The following CDH13 variants were observed in gnomAD, a reference collection of about 807,000 sequenced individuals.
The protein encoded by CDH13 is cadherin 13.
In CDH13, 24 loss-of-function variants were observed where a neutral mutation model predicts 63.8. That is an observed-to-expected ratio of 0.38 (90% CI 0.27 to 0.53). The LOEUF (loss-of-function observed/expected upper bound fraction) is 0.53, where lower values mean the gene tolerates loss of function less well. CDH13 is among the 20% of genes least tolerant of loss of function. The pLI, the probability that CDH13 is intolerant of heterozygous loss-of-function variation, is 0.85. For synonymous variants in CDH13, 503 were observed against 355.3 expected (o/e 1.42, Z -4.67); for missense variants, 1,049 against 903.1 (o/e 1.16, Z -2.07).
chr16:83,397,233 A>G (rs1470042325), intron 6 of CDH13: 1 of 152,130 alleles, frequency 6.6e-6, no homozygotes, highest in Non-Finnish European at 1.5e-5. Context: ...CACTTTGATT[A>G]TGAGGGGATA....
chr16:83,507,247 T>C (rs771475440), intron 7 of CDH13, among the ~76,000 whole-genome samples: 22 of 152,228 alleles, frequency 1.4e-4, no homozygotes, highest in Admixed American at 2.6e-4. Context: ...AATATTTTTA[T>C]TACAGTCTCT....
At chr16:82,766,297 G>A (rs181132006) in intron 1 of CDH13, among the ~76,000 whole-genome samples, 38 of 152,292 alleles carry the variant, frequency 2.5e-4, no homozygotes, top group Non-Finnish European at 4.1e-4. Context: ...CCGTAAATCC[G>A]TAGCTGATAT....
At chr16:82,944,866 G>A (rs1488115335) in intron 2 of CDH13, among the ~76,000 whole-genome samples, 2 of 152,024 alleles carry the variant, frequency 1.3e-5, no homozygotes, top group South Asian at 4.2e-4. Context: ...ATTTCACAAG[G>A]TATTAGGTAA....
intron 5 of CDH13, among the ~76,000 whole-genome samples, chr16:83,325,300 G>A (rs2090335610): frequency 1.3e-5 from 2 of 152,152 alleles, no homozygotes; most frequent in Admixed American, 6.5e-5. Flanking sequence ...AACAATGAGA[G>A]AGGGGGAGGG....
chr16:83,766,019 C>G (rs1020414716), intron 11 of CDH13, among the ~76,000 whole-genome samples: 45 of 152,294 alleles, frequency 3.0e-4, no homozygotes, highest in African/African-American at 1.1e-3. Flanking sequence ...CAAGATTGCT[C>G]ATTAGCTCAC....
At chr16:82,651,140 C>G (rs1364010427) in intron 1 of CDH13, among the ~76,000 whole-genome samples, 1 of 152,124 alleles carries the variant, frequency 6.6e-6, no homozygotes, top group Non-Finnish European at 1.5e-5. Context: ...TAGTGGGTGG[C>G]AAGACTATGA....
At position 82,736,077 on chromosome 16, in the gene CDH13, T is replaced by C. The variant is rs139180126; in HGVS notation, c.45+108940T>C. ...TGAAAAACCTGAAGTGCATAAGAAA[T>C]TAATTCCCCTGAGTTTCCAAACTAG... On this transcript the variant is annotated intron_variant, in intron 1 of 13. Transcript: ENST00000567109. 6.6e-5 allele frequency among the ~76,000 whole-genome samples: 10 copies of C among 152,260 alleles called. 1 individual carries two copies. In the East Asian group the frequency reaches 1.9e-3, roughly 29 times the overall value.
intron 1 of CDH13, among the ~76,000 whole-genome samples, chr16:82,815,072 C>A (rs990162661): frequency 2.6e-5 from 4 of 151,856 alleles, no homozygotes; most frequent in Non-Finnish European, 5.9e-5. Context: ...TCATTCATTT[C>A]TTTTTTCTTA....
rs534120722 is a variant in CDH13, at chr16:83,193,946, A to G, written c.484-23399A>G. ...CAAAGCAGACACTTAACTAATGTCAAGTCTCCCTAAACGTTGCCCTCATCC... is the reference window on the plus strand; with the variant it reads ...CAAAGCAGACACTTAACTAATGTCAGGTCTCCCTAAACGTTGCCCTCATCC... On this transcript the variant is annotated intron_variant, in intron 4 of 13. Transcript: ENST00000567109. Among the ~76,000 whole-genome samples, 8 of 152,318 alleles carry G rather than the reference A, an allele frequency of 5.3e-5. No homozygotes were observed. The East Asian group carries it at 9.7e-4, about 18-fold the overall frequency.
intron 8 of CDH13, among the ~76,000 whole-genome samples, chr16:83,634,361 A>C (rs1011374367): frequency 1.3e-5 from 2 of 151,850 alleles, no homozygotes; most frequent in African/African-American, 4.8e-5. Flanking sequence ...CAAGGATGGT[A>C]CATAATGGAA....
chr16:83,490,006 A>G (rs2073973563), intron 7 of CDH13, among the ~76,000 whole-genome samples: 1 of 114,742 alleles, frequency 8.7e-6, no homozygotes, highest in Admixed American at 1.1e-4. Flanking sequence ...GGAGCTGCAG[A>G]AACCACACAC....
intron 2 of CDH13, among the ~76,000 whole-genome samples, chr16:82,929,779 A>G (rs1189330560): frequency 1.3e-5 from 2 of 151,840 alleles, no homozygotes; most frequent in African/African-American, 4.8e-5. Flanking sequence ...GCTATAAGAA[A>G]TAAATTTCTG....
chr16:82,888,849 C>G (rs1394940553), intron 2 of CDH13, among the ~76,000 whole-genome samples: 1 of 152,198 alleles, frequency 6.6e-6, no homozygotes, highest in African/African-American at 2.4e-5. Context: ...TTTCTATAGT[C>G]TGTCTTGTGG....
At chr16:83,787,236 A>C (rs1025423480) in intron 13 of CDH13, among the ~76,000 whole-genome samples, 3 of 152,208 alleles carry the variant, frequency 2.0e-5, no homozygotes, top group African/African-American at 7.2e-5. Flanking sequence ...GCGTTCAGCA[A>C]ACTTTTTCTG....
chr16:83,242,051 T>C (rs1216686805), intron 5 of CDH13, among the ~76,000 whole-genome samples: 1 of 152,196 alleles, frequency 6.6e-6, no homozygotes, highest in East Asian at 1.9e-4. Flanking sequence ...GTTTTGCTTG[T>C]GGATATTCAG....
intron 5 of CDH13, among the ~76,000 whole-genome samples, chr16:83,291,083 A>G (rs1405697174): frequency 6.6e-6 from 1 of 152,146 alleles, no homozygotes; most frequent in African/African-American, 2.4e-5. Flanking sequence ...TCTCTATGAG[A>G]CTACCCGTTG....
intron 2 of CDH13, among the ~76,000 whole-genome samples, chr16:82,994,608 A>T (rs1453993062): frequency 6.6e-6 from 1 of 152,224 alleles, no homozygotes; most frequent in Non-Finnish European, 1.5e-5. Context: ...CTTAATAAAT[A>T]TTCACTTATT....
At chr16:82,759,094 C>G (rs1022991432) in intron 1 of CDH13, among the ~76,000 whole-genome samples, 3 of 152,152 alleles carry the variant, frequency 2.0e-5, no homozygotes, top group African/African-American at 7.2e-5. Context: ...GAAGCTGGCT[C>G]CCTGGGGTCT....
intron 2 of CDH13, among the ~76,000 whole-genome samples, chr16:82,977,795 G>A (rs762795754): frequency 2.4e-4 from 36 of 152,310 alleles, no homozygotes; most frequent in Admixed American, 7.2e-4. Context: ...GGCAGAGGTA[G>A]GAACAGTTTG....
Sources: allele counts gnomAD v4.1 joint callset (sites outside exome capture counted in the v4.1 genomes callset), GRCh38; gene constraint gnomAD v4.1.1; transcripts MANE v1.5; gene names NCBI Gene and HGNC (gene_info 2026-07-23, HGNC 2026-07-21).